ATP13A4: variants seen among roughly 807,000 people sequenced by gnomAD.
ATP13A4 encodes the protein ATPase 13A4.
A neutral mutation model predicts 142.5 loss-of-function variants in ATP13A4; 114 were observed. The observed-to-expected ratio is 0.80, with a 90% CI of 0.69 to 0.93. ATP13A4 has a LOEUF of 0.93. Among genes scored for constraint, ATP13A4 ranks in the 40% least tolerant of loss-of-function variants. The pLI, the probability that ATP13A4 is intolerant of heterozygous loss-of-function variation, is 0.00. For synonymous variants in ATP13A4, 488 were observed against 514.8 expected (o/e 0.95, Z 0.70); for missense variants, 1,392 against 1,454.0 (o/e 0.96, Z 0.69).
At chr3:193,408,248 T>C (rs943466160) in intron 28 of ATP13A4, among the ~76,000 whole-genome samples, 1 of 152,228 alleles carries the variant, frequency 6.6e-6, no homozygotes, top group African/African-American at 2.4e-5. Context: ...CTTCTAGGAA[T>C]TTATCTGAGA....
intron 1 of ATP13A4, among the ~76,000 whole-genome samples, chr3:193,541,248 CA>C (rs71179308): frequency 0.12 from 6,107 of 51,304 alleles, 223 homozygotes; most frequent in Non-Finnish European, 0.16. Flanking sequence ...GACTCCTTCT[CA>C]AAAAAAAAAA....
At position 193,470,901 on chromosome 3, in the gene ATP13A4, G is replaced by C. The variant is rs942784782; in HGVS notation, c.901C>G (p.Leu301Val). 6.2e-7 allele frequency: 1 copy of C among 1,614,122 alleles called. No homozygotes were observed. ...NKVLMPCDAV[L>V]IEGSCVVDEG... Reference sequence around the variant, plus strand: ...TCCACCACACAGCTGCCTTCAATCAGAACGGCATCACATGGCATTAGCACT... The same window carrying C: ...TCCACCACACAGCTGCCTTCAATCACAACGGCATCACATGGCATTAGCACT... The change falls in exon 9 of 30, where the codon CTG (leucine) becomes GTG (valine). Residue 301 changes from leucine to valine, a missense_variant. Physicochemically the swap from Leu to Val is conservative, Grantham distance 32. Coordinates refer to ENST00000342695, the MANE Select transcript of ATP13A4 (RefSeq NM_032279.4).
chr3:193,489,886 G>A (rs931579868), intron 6 of ATP13A4, 22 bp from the exon 7 acceptor site: 1 of 1,609,388 alleles, frequency 6.2e-7, no homozygotes, highest in African/African-American at 1.3e-5. Context: ...CATAAAAACA[G>A]GAAGACAAGG....
intron 2 of ATP13A4, among the ~76,000 whole-genome samples, chr3:193,569,510 T>G (rs915029261): frequency 7.2e-6 from 1 of 139,048 alleles, no homozygotes. Flanking sequence ...GTTTTTGTTT[T>G]GGTTTGGTTT....
chr3:193,442,743 G>A (rs1039776841), intron 18 of ATP13A4, among the ~76,000 whole-genome samples, 187 bp from the exon 19 acceptor site: 6 of 152,060 alleles, frequency 3.9e-5, no homozygotes, highest in East Asian at 1.9e-4. Context: ...ACTGCTTTTC[G>A]TCAGGTTGCT....
At chr3:193,485,156 G>A (rs576149995) in intron 7 of ATP13A4, among the ~76,000 whole-genome samples, 2 of 150,922 alleles carry the variant, frequency 1.3e-5, no homozygotes, top group African/African-American at 4.9e-5. Context: ...ATGAAGGCAG[G>A]AGAAATAAGT....
intron 25 of ATP13A4, among the ~76,000 whole-genome samples, chr3:193,425,079 G>T (rs549142987): frequency 6.7e-6 from 1 of 150,152 alleles, no homozygotes; most frequent in Non-Finnish European, 1.5e-5. Flanking sequence ...ATAGAAATAG[G>T]TATGCCATAT....
intron 1 of ATP13A4, among the ~76,000 whole-genome samples, chr3:193,589,187 T>G (rs1255981885): frequency 6.6e-6 from 1 of 152,058 alleles, no homozygotes; most frequent in Non-Finnish European, 1.5e-5. Context: ...TATATGTGTG[T>G]GTGTGTGTGT....
intron 25 of ATP13A4, among the ~76,000 whole-genome samples, chr3:193,427,156 C>T (rs954653608): frequency 2.0e-5 from 3 of 151,910 alleles, no homozygotes; most frequent in African/African-American, 7.2e-5. Flanking sequence ...TTCTTATACA[C>T]CACTAACAGA....
chr3:193,412,282 C>T lies in ATP13A4; in HGVS notation c.3104G>A (p.Ser1035Asn). Residue 1035 changes from serine (S) to asparagine (N), a missense_variant, in exon 27 of 30, where the codon AGT becomes AAT. Ser to Asn is a conservative substitution (Grantham distance 46). Coordinates refer to ENST00000342695, the MANE Select transcript of ATP13A4 (RefSeq NM_032279.4). The part of the protein sequence containing the change: ...EKMESNSTFT[S>N]FENTTVWFLG... ...GAACCAGACTGTAGTGTTCTCAAAACTTGTGAAGGTGCTATTACTTTCCAT... is the reference window on the plus strand; with the variant it reads ...GAACCAGACTGTAGTGTTCTCAAAATTTGTGAAGGTGCTATTACTTTCCAT... 1.9e-6 allele frequency: 3 copies of T among 1,613,624 alleles called. No individual in the cohort carries two copies. Among genetic ancestry groups the T allele is most frequent in the Non-Finnish European group, 2.5e-6 (3 of 1,179,556 alleles).
Position 193,459,129 on chromosome 3 carries a change from G to A in ATP13A4, c.1626C>T (p.Thr542=), listed in dbSNP as rs1383568182. The change falls in exon 14 of 30, where the codon ACC becomes ACT. Residue 542 remains threonine (T), a synonymous_variant. Coordinates refer to ENST00000342695, the MANE Select transcript of ATP13A4 (RefSeq NM_032279.4). ...TGAGGTCCAGAGGGTCTCCCTGGATGGTCCCATCAAGAAGGATCAGAGAGT... is the reference window on the plus strand; with the variant it reads ...TGAGGTCCAGAGGGTCTCCCTGGATAGTCCCATCAAGAAGGATCAGAGAGT... The part of the protein sequence containing the change: ...SCHSLILLDG[T]IQGDPLDLKM... The A allele has an allele frequency of 6.2e-7, 1 of 1,614,206 alleles. No individual in the cohort carries two copies. Among genetic ancestry groups the A allele is most frequent in the South Asian group, 1.1e-5 (1 of 91,086 alleles).
At chr3:193,572,863 CA>C (rs929285859) in intron 2 of ATP13A4, among the ~76,000 whole-genome samples, 2 of 151,676 alleles carry the variant, frequency 1.3e-5, no homozygotes, top group African/African-American at 4.8e-5. Context: ...CAGTGTGACT[CA>C]CGCCTGTAAT....
chr3:193,589,743 T>C (rs1399322748), intron 1 of ATP13A4, among the ~76,000 whole-genome samples: 1 of 152,172 alleles, frequency 6.6e-6, no homozygotes, highest in African/African-American at 2.4e-5. Context: ...TTACAATAAA[T>C]GTAAGCCTCC....
In ATP13A4 at chr3:193,547,768, C is replaced by G. The variant is rs548753047; in HGVS notation, c.60+6972G>C. Among the ~76,000 whole-genome samples, 8 of 151,968 alleles carry G rather than the reference C, an allele frequency of 5.3e-5. No homozygotes were observed. The South Asian group carries it at 1.7e-3, about 32-fold the overall frequency. On this transcript the variant is annotated intron_variant, in intron 1 of 29. Transcript: ENST00000342695. ...CACAGGGCCCACACTCAGAAGGGCC[C>G]TACGCTCAGAAGGTCCCTACACTTG...
chr3:193,584,908 C>G (rs1233881422), intron 1 of ATP13A4, among the ~76,000 whole-genome samples: 1 of 152,170 alleles, frequency 6.6e-6, no homozygotes, highest in African/African-American at 2.4e-5. Context: ...GTAACTGAGA[C>G]TTCTATCATG....
At position 193,568,457 on chromosome 3, in the gene ATP13A4, C is replaced by G. The variant is rs535627589; in HGVS notation, n.291+13250G>C. ...CATTGAAAGGAGCATGGATTTGTAG[C>G]CTCCCATAACCTGGACTTAAAGCCA... On this transcript the variant is annotated intron_variant and non_coding_transcript_variant, in intron 2 of 3. Transcript: ENST00000489140. 5.9e-5 allele frequency among the ~76,000 whole-genome samples: 9 copies of G among 151,722 alleles called. No homozygotes were observed. The South Asian group carries it at 1.9e-3, about 32-fold the overall frequency.
chr3:193,416,248 A>C (rs1013566014), intron 25 of ATP13A4, among the ~76,000 whole-genome samples: 15 of 152,228 alleles, frequency 9.9e-5, no homozygotes. Flanking sequence ...GAAACAAAAA[A>C]TTCAAACCCT....
chr3:193,526,147 A>T (rs1721990454), intron 1 of ATP13A4, among the ~76,000 whole-genome samples: 1 of 152,198 alleles, frequency 6.6e-6, no homozygotes. Context: ...GAAGAATGAG[A>T]ACACAAAATA....
chr3:193,461,552 A>G (rs886977231), intron 13 of ATP13A4, among the ~76,000 whole-genome samples: 13 of 152,246 alleles, frequency 8.5e-5, no homozygotes, highest in African/African-American at 2.9e-4. Flanking sequence ...CACGAGGATC[A>G]CTTTTTTAAT....
Sources: allele counts gnomAD v4.1 joint callset (sites outside exome capture counted in the v4.1 genomes callset), GRCh38; gene constraint gnomAD v4.1.1; transcripts MANE v1.5; gene names NCBI Gene and HGNC (gene_info 2026-07-23, HGNC 2026-07-21).